AKAP9: variants seen among roughly 807,000 people sequenced by gnomAD.
AKAP9 encodes A-kinase anchor protein 9.
AKAP9 carries 311 observed loss-of-function variants against 488.5 expected under a neutral mutation model. The observed-to-expected ratio is 0.64, with a 90% CI of 0.58 to 0.70. The LOEUF (loss-of-function observed/expected upper bound fraction) is 0.70, where lower values mean the gene tolerates loss of function less well. Ranked by LOEUF, AKAP9 falls within the 30% of genes least tolerant of loss-of-function variation. AKAP9 has a pLI of 0.00. For missense variants in AKAP9, 4,215 were observed against 4,374.5 expected (o/e 0.96, Z 1.03); for synonymous variants, 1,462 against 1,483.5 (o/e 0.99, Z 0.33).
chr7:92,093,358 G>T, intron 39 of AKAP9, 42 bp downstream of exon 39: 5 of 1,560,640 alleles, frequency 3.2e-6, no homozygotes, highest in Non-Finnish European at 4.4e-6. Flanking sequence ...ACAAGGAGTG[G>T]GAGTAATTTT....
In AKAP9 at chr7:92,097,665, C is replaced by T. The variant is rs761160065; in HGVS notation, c.10478C>T (p.Ser3493Leu). 1.2e-6 allele frequency: 2 copies of T among 1,614,118 alleles called. No homozygotes were observed. Among genetic ancestry groups the T allele is most frequent in the South Asian group, 2.2e-5 (2 of 91,074 alleles). Residue 3493 changes from serine to leucine, a missense_variant, in exon 42 of 50, where the codon TCA (serine) becomes TTA (leucine). Around this residue, in one of 5 missense-constraint regions of AKAP9, gnomAD observed 1,476 missense variants for 1,477.4 expected, o/e 1.00. Transcript: ENST00000356239. ...AAAATAGAAGGAGAAACAAAAGAAT[C>T]AAACTACGCTAAATTGATTGAAATG... The part of the protein sequence containing the change: ...QQKIEGETKE[S>L]NYAKLIEMNG...
At chr7:92,040,356 G>C (rs1805861208) in intron 17 of AKAP9, among the ~76,000 whole-genome samples, 1 of 151,978 alleles carries the variant, frequency 6.6e-6, no homozygotes, top group Non-Finnish European at 1.5e-5. Context: ...TGGCATTATA[G>C]CTTCGTTAAG....
At chr7:92,029,775 C>G (rs1375828809) in intron 14 of AKAP9, 120 bp from the exon 15 acceptor site, 2 of 789,968 alleles carry the variant, frequency 2.5e-6, no homozygotes, top group Non-Finnish European at 4.5e-6. Flanking sequence ...ATACCTATAA[C>G]CCTAGACTCA....
chr7:92,095,798 A>G (rs1017039201), intron 40 of AKAP9, among the ~76,000 whole-genome samples: 1 of 152,068 alleles, frequency 6.6e-6, no homozygotes, highest in Non-Finnish European at 1.5e-5. Flanking sequence ...CCGATTTTTT[A>G]TTTTTAATGT....
rs1562986062 is a variant in AKAP9, at chr7:92,016,157, ATACTCC to A, written c.3643_3648del (p.Thr1215_Pro1216del). On this transcript the variant is annotated inframe_deletion, in exon 11 of 50. Transcript: ENST00000356239. ...TTATGCAGTGTCCTTGGTGAATATT[ATACTCC>A]TGCTTTAAAATGTGAAGTAAATGCA... The A allele has an allele frequency of 7.5e-6, 12 of 1,604,362 alleles. No individual in the cohort carries two copies. The highest frequency in any genetic ancestry group is 9.4e-6 in the Non-Finnish European group (11 of 1,171,840).
chr7:92,022,001 T>A (rs559808711), intron 12 of AKAP9, among the ~76,000 whole-genome samples: 157 of 152,324 alleles, frequency 1.0e-3, no homozygotes, highest in African/African-American at 3.7e-3. Flanking sequence ...ATGAACTTCC[T>A]TTCAGATATC....
chr7:92,038,271 G>C (rs1044552954), intron 16 of AKAP9, 148 bp from the exon 17 acceptor site: 3 of 562,790 alleles, frequency 5.3e-6, no homozygotes, highest in Non-Finnish European at 9.2e-6. Context: ...ATCCATCTCG[G>C]TATTACTTTA....
Position 92,079,856 on chromosome 7 carries a change from C to T in AKAP9, c.7723C>T (p.Gln2575Ter), listed in dbSNP as rs770355887. ...QEYAKFCQDN[Q>*]TISSEPERTN... ...ATATGCAAAATTCTGTCAAGATAATCAAACAATTTCATCAGAACCTGAAAG... is the reference window on the plus strand; with the variant it reads ...ATATGCAAAATTCTGTCAAGATAATTAAACAATTTCATCAGAACCTGAAAG... Residue 2575 changes from glutamine (Q) to a stop codon, truncating the protein, a stop_gained, in exon 31 of 50, where the codon CAA (glutamine) becomes TAA (stop). Transcript: ENST00000356239. LOFTEE classifies it high-confidence loss of function. 6.2e-7 allele frequency: 1 copy of T among 1,614,016 alleles called. No homozygotes were observed. Among genetic ancestry groups the T allele is most frequent in the African/African-American group, 1.3e-5 (1 of 75,038 alleles).
Position 91,973,709 on chromosome 7 carries a change from A to G in AKAP9, c.49-2A>G. 6.2e-7 allele frequency: 1 copy of G among 1,613,712 alleles called. No individual in the cohort carries two copies. The highest frequency in any genetic ancestry group is 8.5e-7 in the Non-Finnish European group (1 of 1,179,816). ...AATAACGGTTATTTTCTTTTTTCTT[A>G]GCTTGCCCAGTTTCGACAAAGAAAA... is the stretch of plus-strand genomic sequence containing the variant. On this transcript the variant is annotated splice_acceptor_variant, in intron 1 of 49. Transcript: ENST00000356239. LOFTEE classifies it high-confidence loss of function.
At chr7:91,984,158 G>A (rs1287310020) in intron 3 of AKAP9, among the ~76,000 whole-genome samples, 2 of 152,174 alleles carry the variant, frequency 1.3e-5, no homozygotes, top group South Asian at 4.1e-4. Context: ...TGTCTATTTT[G>A]GCTTTTGTTG....
intron 8 of AKAP9, among the ~76,000 whole-genome samples, chr7:92,005,870 T>C (rs1033866318): frequency 3.3e-5 from 5 of 152,076 alleles, no homozygotes; most frequent in South Asian, 2.1e-4. Flanking sequence ...GGTTTCACCA[T>C]GTTGGCCAGT....
chr7:91,951,213 C>A (rs2130468668), intron 1 of AKAP9, among the ~76,000 whole-genome samples: 1 of 152,032 alleles, frequency 6.6e-6, no homozygotes, highest in Non-Finnish European at 1.5e-5. Flanking sequence ...GAGAGTCTGT[C>A]TACTTTTTCT....
chr7:91,999,151 G>A (rs1322274653), intron 7 of AKAP9, among the ~76,000 whole-genome samples: 2 of 152,152 alleles, frequency 1.3e-5, no homozygotes, highest in African/African-American at 4.8e-5. Flanking sequence ...TCAGAAGTCT[G>A]ATTTTTTTTT....
In AKAP9 at chr7:91,940,935, C is replaced by G; in HGVS notation, c.-165C>G. The G allele has an allele frequency of 1.3e-6, 1 of 752,630 alleles. No individual in the cohort carries two copies. Among genetic ancestry groups the G allele is most frequent in the Non-Finnish European group, 2.3e-6 (1 of 427,556 alleles). The allele number at this position is 752,630 out of a possible 1,614,324, so 46.6% of individuals were successfully genotyped here. On this transcript the variant is annotated 5_prime_UTR_variant, in exon 1 of 50. Coordinates refer to ENST00000356239, the MANE Select transcript of AKAP9 (RefSeq NM_005751.5). ...TTCCCGTGCGGCTGAGGACGATCCG[C>G]CAGTGAGCGCGGAGACTGCTTCCAC...
At chr7:92,042,913 T>C (rs1806357873) in intron 20 of AKAP9, 142 bp downstream of exon 20, 1 of 608,618 alleles carries the variant, frequency 1.6e-6, no homozygotes, top group Non-Finnish European at 3.0e-6. Context: ...AACATGTCCA[T>C]GTATGTGTAG....
At chr7:92,023,813 A>G (rs1372062498) in intron 14 of AKAP9, among the ~76,000 whole-genome samples, 2 of 152,034 alleles carry the variant, frequency 1.3e-5, no homozygotes, top group African/African-American at 4.8e-5. Flanking sequence ...GATACTGGTG[A>G]CAGCATCTTG....
chr7:91,961,166 C>G (rs1793684584), intron 1 of AKAP9, among the ~76,000 whole-genome samples: 1 of 145,754 alleles, frequency 6.9e-6, no homozygotes, highest in Non-Finnish European at 1.5e-5. Context: ...AAAAACTTGG[C>G]TTTTTTTTTT....
intron 3 of AKAP9, among the ~76,000 whole-genome samples, chr7:91,985,567 A>G (rs1026229684): frequency 6.6e-6 from 1 of 152,118 alleles, no homozygotes; most frequent in Non-Finnish European, 1.5e-5. Flanking sequence ...ATATTGGTCT[A>G]AAATTCTTTT....
At chr7:92,030,809 GTAT>G (rs113671885) in intron 15 of AKAP9, among the ~76,000 whole-genome samples, 60,343 of 151,642 alleles carry the variant, frequency 0.4, 12,262 homozygotes, top group African/African-American at 0.46. Context: ...GCTCAACATT[GTAT>G]TATTCTAAAT....
Sources: allele counts gnomAD v4.1 joint callset (sites outside exome capture counted in the v4.1 genomes callset), GRCh38; gene constraint gnomAD v4.1.1; regional missense constraint gnomAD v4.1.1; transcripts MANE v1.5; gene names NCBI Gene and HGNC (gene_info 2026-07-23, HGNC 2026-07-21).